Variants in TENM2 observed in about 807,000 individuals in gnomAD.
The protein encoded by TENM2 is teneurin-2.
A neutral mutation model predicts 245.2 loss-of-function variants in TENM2; 52 were observed. The observed-to-expected ratio is 0.21, with a 90% CI of 0.17 to 0.27. The LOEUF (loss-of-function observed/expected upper bound fraction) is 0.27, where lower values mean the gene tolerates loss of function less well. Ranked by LOEUF, TENM2 falls within the 10% of genes least tolerant of loss-of-function variation. TENM2 has a pLI of 1.00. For synonymous variants in TENM2, 1,363 were observed against 1,438.9 expected, an observed-to-expected ratio of 0.95 and a Z score of 1.19; for missense variants, 3,046 against 3,666.8, an observed-to-expected ratio of 0.83 and a Z score of 4.37.
intron 5 of TENM2, among the ~76,000 whole-genome samples, chr5:168,006,830 A>T (rs1279572863): frequency 1.3e-5 from 2 of 152,134 alleles, no homozygotes; most frequent in Admixed American, 6.5e-5. Flanking sequence ...TTAAGTCAGG[A>T]TTACCATTGT....
intron 3 of TENM2, among the ~76,000 whole-genome samples, chr5:167,931,990 A>T (rs1409576975): frequency 6.6e-6 from 1 of 152,216 alleles, no homozygotes; most frequent in East Asian, 1.9e-4. Context: ...ATAAAGCCCA[A>T]ATAGTAGGCG....
At chr5:166,980,303 A>C in the TENM2 span, among the ~76,000 whole-genome samples, 1 of 152,198 alleles carries the variant, frequency 6.6e-6, no homozygotes, top group African/African-American at 2.4e-5. Context: ...GTACAGCAAT[A>C]TCTCTCTTAG....
At chr5:167,183,586 C>T in the TENM2 span, among the ~76,000 whole-genome samples, 2 of 152,124 alleles carry the variant, frequency 1.3e-5, no homozygotes, top group Non-Finnish European at 2.9e-5. Flanking sequence ...TGTTTACCAA[C>T]CCAGCTGTTT....
the TENM2 span, among the ~76,000 whole-genome samples, chr5:167,265,905 T>G: frequency 6.6e-6 from 1 of 152,164 alleles, no homozygotes; most frequent in African/African-American, 2.4e-5. Flanking sequence ...CTTGTTCCAA[T>G]TAAAATTTTG....
chr5:167,605,934 G>A (rs1390865354), intron 2 of TENM2, among the ~76,000 whole-genome samples: 2 of 152,182 alleles, frequency 1.3e-5, no homozygotes, highest in African/African-American at 2.4e-5. Flanking sequence ...AGAGAAATTT[G>A]TAGTGTTAAA....
intron 2 of TENM2, among the ~76,000 whole-genome samples, chr5:167,384,033 C>A (rs970213591): frequency 6.6e-6 from 1 of 152,128 alleles, no homozygotes; most frequent in African/African-American, 2.4e-5. Context: ...TTTGTGGCAA[C>A]CTGTTTGGTT....
At chr5:168,001,097 T>C (rs1164555052) in intron 5 of TENM2, among the ~76,000 whole-genome samples, 1 of 152,216 alleles carries the variant, frequency 6.6e-6, no homozygotes. Flanking sequence ...GTTGTACCAG[T>C]TGTGGAAGGT....
At chr5:167,513,027 A>G (rs1360708420) in intron 2 of TENM2, among the ~76,000 whole-genome samples, 1 of 152,218 alleles carries the variant, frequency 6.6e-6, no homozygotes, top group African/African-American at 2.4e-5. Flanking sequence ...GTTTGAAGAT[A>G]TGATTTTATT....
intron 2 of TENM2, among the ~76,000 whole-genome samples, chr5:167,424,057 G>C (rs1053722930): frequency 6.6e-6 from 1 of 152,074 alleles, no homozygotes; most frequent in African/African-American, 2.4e-5. Flanking sequence ...CTGCTTCTCT[G>C]CCTCTGTCCC....
chr5:167,052,778 T>TC, the TENM2 span, among the ~76,000 whole-genome samples: 1 of 151,916 alleles, frequency 6.6e-6, no homozygotes, highest in Non-Finnish European at 1.5e-5. Context: ...TTTTTTTTTT[T>TC]CCCCTAAGTA....
chr5:168,165,643 C>T (rs1562237541), intron 13 of TENM2, among the ~76,000 whole-genome samples: 3 of 17,518 alleles, frequency 1.7e-4, no homozygotes, highest in African/African-American at 1.2e-3. Context: ...AGGATCCCCC[C>T]CCCAACCCCC....
chr5:167,691,538 C>T (rs878881992), intron 2 of TENM2, among the ~76,000 whole-genome samples: 6 of 152,180 alleles, frequency 3.9e-5, no homozygotes, highest in Non-Finnish European at 8.8e-5. Flanking sequence ...ATGGAGTTTT[C>T]CCTTATATCC....
chr5:168,161,816 A>G (rs2152449721), intron 12 of TENM2, among the ~76,000 whole-genome samples: 1 of 121,368 alleles, frequency 8.2e-6, no homozygotes, highest in East Asian at 2.7e-4. Flanking sequence ...GAGCGCATGT[A>G]TACACACACA....
the TENM2 span, among the ~76,000 whole-genome samples, chr5:167,180,770 A>G: frequency 6.6e-6 from 1 of 152,056 alleles, no homozygotes; most frequent in African/African-American, 2.4e-5. Context: ...TACATTTACT[A>G]TTCATTAAGT....
the TENM2 span, among the ~76,000 whole-genome samples, chr5:167,140,221 A>G: frequency 6.6e-6 from 1 of 152,214 alleles, no homozygotes; most frequent in Non-Finnish European, 1.5e-5. Flanking sequence ...ATATTTTGAC[A>G]TAGGCATGCA....
chr5:167,262,654 T>C, the TENM2 span, among the ~76,000 whole-genome samples: 1 of 152,206 alleles, frequency 6.6e-6, no homozygotes, highest in East Asian at 1.9e-4. Flanking sequence ...AGAAGATATA[T>C]TTTATATTTT....
intron 2 of TENM2, among the ~76,000 whole-genome samples, chr5:167,555,168 C>T (rs1773190265): frequency 6.6e-6 from 1 of 152,124 alleles, no homozygotes; most frequent in African/African-American, 2.4e-5. Context: ...AAAGCATTTG[C>T]AGCTCTGTCT....
the TENM2 span, among the ~76,000 whole-genome samples, chr5:167,010,646 G>A: frequency 3.9e-5 from 6 of 152,264 alleles, no homozygotes; most frequent in South Asian, 1.0e-3. Flanking sequence ...TATTTCATTA[G>A]AACTAATAGT....
intron 1 of TENM2, among the ~76,000 whole-genome samples, chr5:167,333,144 G>A (rs1231478003): frequency 6.6e-6 from 1 of 152,172 alleles, no homozygotes; most frequent in Non-Finnish European, 1.5e-5. Context: ...AATGGATAAA[G>A]AGAGGAAAAG....
Sources: gnomAD v4.1 joint callset for allele counts (sites outside exome capture counted in the v4.1 genomes callset) on GRCh38, gnomAD v4.1.1 for gene constraint, MANE v1.5 for transcripts, NCBI Gene and HGNC (gene_info 2026-07-23, HGNC 2026-07-21) for gene names.